The following FAM107B variants were observed in gnomAD, a reference collection of about 807,000 sequenced individuals.
The protein encoded by FAM107B is family with sequence similarity 107 member B.
Under a neutral mutation model 31.5 loss-of-function variants are expected in FAM107B, and 21 were observed. The ratio of observed to expected loss-of-function variants is 0.67; its 90% CI spans 0.47 to 0.96. The LOEUF is 0.96. Ranked by LOEUF, FAM107B falls within the 40% of genes least tolerant of loss-of-function variation. FAM107B has a pLI of 0.00. For missense variants in FAM107B, 452 were observed against 377.1 expected, an observed-to-expected ratio of 1.20 and a Z score of -1.64; for synonymous variants, 157 against 141.5, an observed-to-expected ratio of 1.11 and a Z score of -0.78.
At chr10:14,599,129 A>G (rs1209461495) in intron 2 of FAM107B, among the ~76,000 whole-genome samples, 1 of 152,214 alleles carries the variant, frequency 6.6e-6, no homozygotes, top group Non-Finnish European at 1.5e-5. Flanking sequence ...TAAACCTGCC[A>G]TGGTCGGAAG....
chr10:14,615,771 C>A (rs996489822), intron 2 of FAM107B, among the ~76,000 whole-genome samples: 1 of 152,194 alleles, frequency 6.6e-6, no homozygotes, highest in Non-Finnish European at 1.5e-5. Flanking sequence ...AGCACCATTC[C>A]ATACTCGAGA....
intron 1 of FAM107B, among the ~76,000 whole-genome samples, chr10:14,720,009 G>T (rs1034078067): frequency 6.9e-6 from 1 of 144,386 alleles, no homozygotes; most frequent in African/African-American, 2.4e-5. Context: ...TTGGGGGAAT[G>T]CCTTCCCCTA....
At chr10:14,614,596 C>T (rs139773444) in intron 2 of FAM107B, among the ~76,000 whole-genome samples, 5,432 of 150,590 alleles carry the variant, frequency 0.036, 136 homozygotes, top group East Asian at 0.076. Context: ...TTGCTTGAAC[C>T]CAGGAGGCAG....
At chr10:14,570,833 A>G (rs1851157959) in intron 2 of FAM107B, among the ~76,000 whole-genome samples, 1 of 148,990 alleles carries the variant, frequency 6.7e-6, no homozygotes, top group Non-Finnish European at 1.5e-5. Flanking sequence ...AACTCAGCAC[A>G]TATCAGTGTT....
intron 2 of FAM107B, among the ~76,000 whole-genome samples, chr10:14,640,230 C>T (rs1024583876): frequency 6.6e-6 from 1 of 152,212 alleles, no homozygotes; most frequent in African/African-American, 2.4e-5. Flanking sequence ...GGCCACAAAG[C>T]ATATGTGATG....
intron 1 of FAM107B, among the ~76,000 whole-genome samples, chr10:14,674,711 T>C (rs967789933): frequency 6.6e-6 from 1 of 152,164 alleles, no homozygotes; most frequent in African/African-American, 2.4e-5. Context: ...GTAAACTCCT[T>C]CCAAGGGGAA....
chr10:14,656,104 G>C (rs1482842034), intron 2 of FAM107B, among the ~76,000 whole-genome samples: 3 of 152,176 alleles, frequency 2.0e-5, no homozygotes, highest in Non-Finnish European at 4.4e-5. Flanking sequence ...CGCTGTGCAG[G>C]AACGACTTTA....
At chr10:14,619,532 A>G (rs1248584218) in intron 2 of FAM107B, among the ~76,000 whole-genome samples, 2 of 151,776 alleles carry the variant, frequency 1.3e-5, no homozygotes, top group Non-Finnish European at 2.9e-5. Context: ...GGTTGTGTGT[A>G]TTTTCTTAAT....
intron 2 of FAM107B, among the ~76,000 whole-genome samples, chr10:14,654,926 G>T (rs548824158): frequency 6.6e-6 from 1 of 152,292 alleles, no homozygotes; most frequent in Admixed American, 6.5e-5. Flanking sequence ...ATTTTAACCA[G>T]TCTGTGGGGT....
chr10:14,611,245 C>T (rs897945270), intron 2 of FAM107B, among the ~76,000 whole-genome samples: 1 of 151,922 alleles, frequency 6.6e-6, no homozygotes, highest in African/African-American at 2.4e-5. Flanking sequence ...ACTTAATGGT[C>T]GACACTAATG....
At chr10:14,737,482 C>T (rs1323146797) in intron 1 of FAM107B, among the ~76,000 whole-genome samples, 2 of 151,938 alleles carry the variant, frequency 1.3e-5, no homozygotes, top group Admixed American at 1.3e-4. Flanking sequence ...GGCGTGGTGA[C>T]AGGCACCTGT....
At chr10:14,577,328 T>C (rs1851496399) in intron 2 of FAM107B, among the ~76,000 whole-genome samples, 1 of 152,208 alleles carries the variant, frequency 6.6e-6, no homozygotes, top group Non-Finnish European at 1.5e-5. Context: ...TGGGGCCCAA[T>C]GGAGAAAGAA....
chr10:14,587,567 C>A (rs2131328560), intron 2 of FAM107B, among the ~76,000 whole-genome samples: 1 of 152,296 alleles, frequency 6.6e-6, no homozygotes, highest in South Asian at 2.1e-4. Context: ...ATTTGTCTTA[C>A]ACAAACATCC....
intron 1 of FAM107B, among the ~76,000 whole-genome samples, chr10:14,737,978 C>T (rs1045967273): frequency 6.6e-6 from 1 of 152,112 alleles, no homozygotes; most frequent in African/African-American, 2.4e-5. Context: ...TTTCATTCCC[C>T]CGACACAGCA....
chr10:14,601,147 T>A (rs555723204), intron 2 of FAM107B, among the ~76,000 whole-genome samples: 115 of 152,332 alleles, frequency 7.5e-4, no homozygotes, highest in African/African-American at 2.7e-3. Context: ...TGACGGGCAC[T>A]GAATGTCTGG....
intron 2 of FAM107B, among the ~76,000 whole-genome samples, chr10:14,652,418 G>A (rs1368839338): frequency 6.6e-6 from 1 of 152,212 alleles, no homozygotes. Flanking sequence ...TTGCAGAGCT[G>A]CGGAAATAAC....
At chr10:14,530,550 T>G in intron 2 of FAM107B, 35 bp from the exon 3 acceptor site, 1 of 1,603,004 alleles carries the variant, frequency 6.2e-7, no homozygotes, top group Non-Finnish European at 8.5e-7. Flanking sequence ...TCATTTGCAG[T>G]TTTTGCTAAG....
chr10:14,713,247 T>C (rs1855703104), intron 1 of FAM107B, among the ~76,000 whole-genome samples: 1 of 152,198 alleles, frequency 6.6e-6, no homozygotes. Flanking sequence ...AGCAATTCCA[T>C]AAATGCCAGT....
intron 1 of FAM107B, among the ~76,000 whole-genome samples, chr10:14,672,884 G>C (rs1253790557): frequency 6.6e-6 from 1 of 152,194 alleles, no homozygotes; most frequent in Non-Finnish European, 1.5e-5. Flanking sequence ...CTCATAGTTG[G>C]CAACATTGGG....
Sources: allele counts gnomAD v4.1 joint callset (sites outside exome capture counted in the v4.1 genomes callset), GRCh38; gene constraint gnomAD v4.1.1; transcripts MANE v1.5; gene names NCBI Gene and HGNC (gene_info 2026-07-23, HGNC 2026-07-21).